The following LRRC8E variants were observed in gnomAD, a reference collection of about 807,000 sequenced individuals.
LRRC8E encodes leucine rich repeat containing 8 VRAC subunit E.
A neutral mutation model predicts 6.1 loss-of-function variants in LRRC8E; 6 were observed. The observed-to-expected ratio is 0.98, with a 90% CI of 0.54 to 1.93. The LOEUF is 1.93. Ranked by LOEUF, LRRC8E falls within the 30% of genes most tolerant of loss-of-function variation. The pLI, the probability that LRRC8E is intolerant of heterozygous loss-of-function variation, is 0.01. For synonymous variants in LRRC8E, 485 were observed against 472.8 expected, an observed-to-expected ratio of 1.03 and a Z score of -0.33; for missense variants, 1,028 against 1,031.4, an observed-to-expected ratio of 1.00 and a Z score of 0.04.
chr19:7,896,931 C>T (rs1981627458), intron 2 of LRRC8E, among the ~76,000 whole-genome samples: 1 of 152,058 alleles, frequency 6.6e-6, no homozygotes, highest in Non-Finnish European at 1.5e-5. Flanking sequence ...TCCCTAGAAT[C>T]TGGAAAGGAC....
At chr19:7,898,468 T>C (rs1373796693) in intron 2 of LRRC8E, among the ~76,000 whole-genome samples, 193 bp from the exon 3 acceptor site, 1 of 152,050 alleles carries the variant, frequency 6.6e-6, no homozygotes, top group African/African-American at 2.4e-5. Flanking sequence ...CAAGCGATTC[T>C]CCTGCCTCAG....
chr19:7,898,332 T>C (rs1981713558), intron 2 of LRRC8E, among the ~76,000 whole-genome samples: 1 of 152,022 alleles, frequency 6.6e-6, no homozygotes, highest in Non-Finnish European at 1.5e-5. Flanking sequence ...GCCTGCTTTT[T>C]CCCCATCCCC....
At chr19:7,891,456 T>C (rs1340684126) in intron 1 of LRRC8E, among the ~76,000 whole-genome samples, 1 of 152,032 alleles carries the variant, frequency 6.6e-6, no homozygotes, top group African/African-American at 2.4e-5. Flanking sequence ...TCTGCGATTG[T>C]GCACCTGGGA....
chr19:7,893,276 G>A (rs1184326379), intron 1 of LRRC8E, among the ~76,000 whole-genome samples: 1 of 151,988 alleles, frequency 6.6e-6, no homozygotes, highest in Non-Finnish European at 1.5e-5. Context: ...AAAGTGCTGG[G>A]ATTACAGGCG....
rs550875554 is a variant in LRRC8E, at chr19:7,891,700, G to C, written c.-6+3100G>C. ...TGGCTCACTGCAGCTTCTGTCTCCCGAGTTTAAGCAATTCTCCTGCCTCAC... is the reference window on the plus strand; with the variant it reads ...TGGCTCACTGCAGCTTCTGTCTCCCCAGTTTAAGCAATTCTCCTGCCTCAC... On this transcript the variant is annotated intron_variant, in intron 1 of 2. Coordinates refer to ENST00000306708, the MANE Select transcript of LRRC8E (RefSeq NM_025061.6). Among the ~76,000 whole-genome samples the C allele has an allele frequency of 1.5e-3, 235 of 151,904 alleles. 1 individual carries two copies. Among genetic ancestry groups the C allele is most frequent in the Middle Eastern group, 3.4e-3 (1 of 294 alleles).
Position 7,899,233 on chromosome 19 carries a change from G to C in LRRC8E, c.711G>C (p.Lys237Asn). 6.2e-7 allele frequency: 1 copy of C among 1,614,180 alleles called. No individual in the cohort carries two copies. ...AGCAAGCCAAAGCCCTGTTTGAGAAGGTGAAGAAGTTCCGCATGCACGTGG... is the reference window on the plus strand; with the variant it reads ...AGCAAGCCAAAGCCCTGTTTGAGAACGTGAAGAAGTTCCGCATGCACGTGG... ...EGEQAKALFE[K>N]VKKFRMHVEE... is the part of the protein sequence containing the mutation. The change falls in exon 3 of 3, where the codon AAG (lysine) becomes AAC (asparagine). Residue 237 changes from lysine to asparagine, a missense_variant. By Grantham distance (94) the Lys-to-Asn change is moderately conservative. Coordinates refer to ENST00000306708, the MANE Select transcript of LRRC8E (RefSeq NM_025061.6).
At chr19:7,889,759 T>TC (rs1198311088) in intron 1 of LRRC8E, among the ~76,000 whole-genome samples, 1 of 150,532 alleles carries the variant, frequency 6.6e-6, no homozygotes, top group East Asian at 2.0e-4. Context: ...TCTCTCTTTT[T>TC]TTTTTTTTCA....
At position 7,891,274 on chromosome 19, in the gene LRRC8E, G is replaced by C. The variant is rs568663456; in HGVS notation, c.-6+2674G>C. ...TTCCCTGGCTCTGCCCCAATTCTTC[G>C]AGCCCCTGTTCCTGGACCTTCCCAC... is the stretch of plus-strand genomic sequence containing the variant. On this transcript the variant is annotated intron_variant, in intron 1 of 2. Coordinates refer to ENST00000306708, the MANE Select transcript of LRRC8E (RefSeq NM_025061.6). Among the ~76,000 whole-genome samples, 31 of 152,212 alleles carry C rather than the reference G, an allele frequency of 2.0e-4. No individual in the cohort carries two copies. In the South Asian group the frequency reaches 4.6e-3, roughly 22 times the overall value.
intron 1 of LRRC8E, among the ~76,000 whole-genome samples, chr19:7,890,721 G>A (rs1308195141): frequency 1.3e-5 from 2 of 150,982 alleles, no homozygotes; most frequent in East Asian, 2.0e-4. Context: ...CCCGGGAGGC[G>A]GAGCTTGCAG....
rs762527576 is a variant in LRRC8E at position 7,899,462 on chromosome 19, T to G, written c.940T>G (p.Phe314Val). The G allele has an allele frequency of 6.2e-7, 1 of 1,614,152 alleles. No homozygotes were observed. Among genetic ancestry groups the G allele is most frequent in the Non-Finnish European group, 8.5e-7 (1 of 1,180,030 alleles). ...GGCCCACCTCTTCTCCAAGCTGGCC[T>G]TCTGTTACATCTCCTTTGTGTGCAT... The part of the protein sequence containing the change: ...TKAHLFSKLA[F>V]CYISFVCIYG... The change falls in exon 3 of 3, where the codon TTC becomes GTC. Residue 314 changes from phenylalanine (F) to valine (V), a missense_variant. Physicochemically the swap from Phe to Val is conservative, Grantham distance 50. Transcript: ENST00000306708.
intron 1 of LRRC8E, among the ~76,000 whole-genome samples, chr19:7,893,128 T>A (rs1428096399): frequency 6.6e-6 from 1 of 152,120 alleles, no homozygotes; most frequent in East Asian, 1.9e-4. Flanking sequence ...TGCCTCAGCC[T>A]CCCTAGTAGC....
At chr19:7,889,361 G>A (rs1326088698) in intron 1 of LRRC8E, among the ~76,000 whole-genome samples, 3 of 151,766 alleles carry the variant, frequency 2.0e-5, no homozygotes, top group Non-Finnish European at 2.9e-5. Context: ...AGTACTGCTC[G>A]GACCCAAGAG....
Position 7,892,581 on chromosome 19 carries a change from G to A in LRRC8E, c.-5-3018G>A, listed in dbSNP as rs575941791. Among the ~76,000 whole-genome samples the A allele has an allele frequency of 1.7e-3, 254 of 152,294 alleles. 2 individuals carry two copies. The highest frequency in any genetic ancestry group is 5.8e-3 in the African/African-American group (242 of 41,558). On this transcript the variant is annotated intron_variant, in intron 1 of 2. Transcript: ENST00000306708. ...TCCTTGGAGGACTCAATGGATGGCC[G>A]GAACCAAAACAGGACGTGAGGGTCC...
chr19:7,893,001 T>G (rs932276344), intron 1 of LRRC8E, among the ~76,000 whole-genome samples: 2 of 152,130 alleles, frequency 1.3e-5, no homozygotes, highest in Non-Finnish European at 2.9e-5. Flanking sequence ...TTTTGTATTT[T>G]TATTTTTATT....
rs147836611 is a variant in LRRC8E, at chr19:7,898,849, G to A, written c.327G>A (p.Thr109=). 80 of 1,614,170 alleles carry A rather than the reference G, an allele frequency of 5.0e-5. No individual in the cohort carries two copies. The African/African-American group carries it at 8.1e-4, about 16-fold the overall frequency. The change falls in exon 3 of 3, where the codon ACG becomes ACA. Residue 109 remains threonine (T), a synonymous_variant. Coordinates refer to ENST00000306708, the MANE Select transcript of LRRC8E (RefSeq NM_025061.6). ...YSFINQLCYE[T]ALHWYAKYFP... ...TTATTAACCAGCTGTGTTATGAGAC[G>A]GCCCTGCACTGGTATGCCAAGTACT...
chr19:7,900,609 G>C lies in LRRC8E; in HGVS notation c.2087G>C (p.Gly696Ala). 1.9e-6 allele frequency: 3 copies of C among 1,613,288 alleles called. No homozygotes were observed. Among genetic ancestry groups the C allele is most frequent in the Non-Finnish European group, 2.5e-6 (3 of 1,180,032 alleles). ...NGLHSLPPEVGLLQNLQHLAL... is the reference protein window; with the variant it reads ...NGLHSLPPEVALLQNLQHLAL... ...CTACACTCCCTGCCACCCGAGGTGG[G>C]CCTCCTGCAGAACCTACAGCACCTG... The change falls in exon 3 of 3, where the codon GGC becomes GCC. Residue 696 changes from glycine (G) to alanine (A), a missense_variant. Physicochemically the swap from Gly to Ala is moderately conservative, Grantham distance 60. Transcript: ENST00000306708. This position sits in a 1 kb window ranked among gnomAD's most constrained non-coding sequence, Gnocchi z 5.0.
In LRRC8E at chr19:7,899,483, T is replaced by C. The variant is rs1207482389; in HGVS notation, c.961T>C (p.Cys321Arg). Residue 321 changes from cysteine (C) to arginine (R), a missense_variant, in exon 3 of 3, where the codon TGC becomes CGC. Coordinates refer to ENST00000306708, the MANE Select transcript of LRRC8E (RefSeq NM_025061.6). ...KLAFCYISFVCIYGLTCIYTL... is the reference protein window; with the variant it reads ...KLAFCYISFVRIYGLTCIYTL... The stretch of plus-strand genomic sequence containing the variant: ...GGCCTTCTGTTACATCTCCTTTGTG[T>C]GCATCTACGGACTTACCTGCATCTA... 6.2e-7 allele frequency: 1 copy of C among 1,613,164 alleles called. No individual in the cohort carries two copies. The highest frequency in any genetic ancestry group is 8.5e-7 in the Non-Finnish European group (1 of 1,179,716).
At position 7,900,868 on chromosome 19, in the gene LRRC8E, C is replaced by T; in HGVS notation, c.2346C>T (p.Tyr782=). ...KAGLLVEDTL[Y]QGLPAEVRDK... The stretch of plus-strand genomic sequence containing the variant: ...GGCTCCTGGTGGAAGACACGCTTTA[C>T]CAGGGTCTGCCGGCAGAAGTGCGGG... Residue 782 remains tyrosine, a synonymous_variant, in exon 3 of 3, where the codon TAC becomes TAT. Transcript: ENST00000306708. This position sits in a 1 kb window ranked among gnomAD's most constrained non-coding sequence, Gnocchi z 5.0. 6.5e-7 allele frequency: 1 copy of T among 1,538,446 alleles called. No homozygotes were observed. Among genetic ancestry groups the T allele is most frequent in the South Asian group, 1.3e-5 (1 of 79,042 alleles).
At chr19:7,891,547 T>TGTGTG (rs1568262044) in intron 1 of LRRC8E, among the ~76,000 whole-genome samples, 1,105 of 91,662 alleles carry the variant, frequency 0.012, 6 homozygotes, top group Non-Finnish European at 0.017. Context: ...GTGTGTGTGT[T>TGTGTG]TGTGTGTGTG....
Sources: allele counts gnomAD v4.1 joint callset (sites outside exome capture counted in the v4.1 genomes callset), GRCh38; gene constraint gnomAD v4.1.1; non-coding constraint Gnocchi (gnomAD v3.1); transcripts MANE v1.5; gene names NCBI Gene and HGNC (gene_info 2026-07-23, HGNC 2026-07-21).